The following BCHE variants were observed in gnomAD, a reference collection of about 807,000 sequenced individuals.
BCHE encodes cholinesterase.
Under a neutral mutation model 51.3 loss-of-function variants are expected in BCHE, and 48 were observed. The observed-to-expected ratio is 0.94, with a 90% confidence interval of 0.74 to 1.19. The LOEUF is 1.19. BCHE is among the 50% of genes most tolerant of loss of function. The pLI, the probability that BCHE is intolerant of heterozygous loss-of-function variation, is 0.00. For missense variants in BCHE, 847 were observed against 708.2 expected (o/e 1.20, Z -2.23); for synonymous variants, 251 against 238.0 (o/e 1.05, Z -0.50).
At chr3:165,805,004 A>G (rs1332832407) in intron 2 of BCHE, among the ~76,000 whole-genome samples, 1 of 152,192 alleles carries the variant, frequency 6.6e-6, no homozygotes, top group African/African-American at 2.4e-5. Context: ...TTTTTAGTAG[A>G]TAGAAGGAAA....
At chr3:165,775,183 T>C (rs1320520992) in intron 3 of BCHE, among the ~76,000 whole-genome samples, 1 of 152,064 alleles carries the variant, frequency 6.6e-6, no homozygotes. Flanking sequence ...AATTTTAAGC[T>C]AGTACAAAAA....
chr3:165,829,707 T>G lies in BCHE; in HGVS notation c.1327A>C (p.Asn443His), dbSNP rs144987429. The G allele has an allele frequency of 1.7e-4, 271 of 1,613,786 alleles. 1 individual carries two copies. Among genetic ancestry groups the G allele is most frequent in the Admixed American group, 1.3e-4 (8 of 59,900 alleles). ...FTKKFSEWGNNAFFYYFEHRS... is the reference protein window; with the variant it reads ...FTKKFSEWGNHAFFYYFEHRS... ...TGTTCAAAATAGTAGAAAAAGGCATTATTTCCCCATTCTGAGAACTTCTTG... is the reference window on the plus strand; with the variant it reads ...TGTTCAAAATAGTAGAAAAAGGCATGATTTCCCCATTCTGAGAACTTCTTG... Residue 443 changes from asparagine (N) to histidine (H), a missense_variant, in exon 2 of 4, where the codon AAT (asparagine) becomes CAT (histidine). Transcript: ENST00000264381.
At chr3:165,808,146 G>T (rs755951878) in intron 2 of BCHE, among the ~76,000 whole-genome samples, 1 of 151,942 alleles carries the variant, frequency 6.6e-6, no homozygotes, top group Non-Finnish European at 1.5e-5. Flanking sequence ...ACCACGCCTG[G>T]CTAATTTTTG....
At position 165,830,988 on chromosome 3, in the gene BCHE, A is replaced by G. The variant is rs760484389; in HGVS notation, c.46T>C (p.Phe16Leu). The change falls in exon 2 of 4, where the codon TTT becomes CTT. Residue 16 changes from phenylalanine (F) to leucine (L), a missense_variant. Physicochemically the swap from Phe to Leu is conservative, Grantham distance 22. Transcript: ENST00000264381. ...CCAATAAGCATGCAGAGCAAAAGAA[A>G]CCAAAAGAGAAATCTGATGCATATG... The part of the protein sequence containing the change: ...TIICIRFLFW[F>L]LLLCMLIGKS... 3 of 1,613,714 alleles carry G rather than the reference A, an allele frequency of 1.9e-6. No homozygotes were observed. The South Asian group carries it at 3.3e-5, about 18-fold the overall frequency.
intron 2 of BCHE, among the ~76,000 whole-genome samples, chr3:165,805,956 TGTC>T (rs1713850180): frequency 6.6e-6 from 1 of 152,170 alleles, no homozygotes; most frequent in Non-Finnish European, 1.5e-5. Flanking sequence ...TCCTCTGGCT[TGTC>T]TTTTCATTCC....
intron 2 of BCHE, among the ~76,000 whole-genome samples, chr3:165,805,970 C>T (rs1713850925): frequency 6.6e-6 from 1 of 152,078 alleles, no homozygotes; most frequent in Non-Finnish European, 1.5e-5. Context: ...TTTTCATTCC[C>T]AAAGTTACTC....
chr3:165,788,964 A>G (rs924886925), intron 2 of BCHE, among the ~76,000 whole-genome samples: 2 of 152,156 alleles, frequency 1.3e-5, no homozygotes, highest in Non-Finnish European at 2.9e-5. Context: ...AAGAGAGACA[A>G]TTCTGTCTGT....
chr3:165,777,180 C>G (rs979118878), intron 3 of BCHE, among the ~76,000 whole-genome samples: 2 of 151,690 alleles, frequency 1.3e-5, no homozygotes, highest in Admixed American at 1.3e-4. Flanking sequence ...TATCTTCATT[C>G]TTGTAGAATT....
chr3:165,782,478 T>C (rs1712745086), intron 3 of BCHE, among the ~76,000 whole-genome samples: 1 of 120,546 alleles, frequency 8.3e-6, no homozygotes, highest in African/African-American at 3.0e-5. Context: ...TTGTTTTGCA[T>C]GTATTGTCAC....
At chr3:165,782,286 T>C (rs757306724) in intron 3 of BCHE, among the ~76,000 whole-genome samples, 22 of 152,278 alleles carry the variant, frequency 1.4e-4, no homozygotes, top group Middle Eastern at 6.8e-3. Flanking sequence ...CTTGTTGTGA[T>C]TGTAAAACAG....
chr3:165,821,953 A>G lies in BCHE; in HGVS notation c.1517+7564T>C, dbSNP rs1486772028. ...TATTAATACATTTTTGTTCAAGTTTAATAAATTGCTCATTCTGTGATAAAT... is the reference window on the plus strand; with the variant it reads ...TATTAATACATTTTTGTTCAAGTTTGATAAATTGCTCATTCTGTGATAAAT... On this transcript the variant is annotated intron_variant, in intron 2 of 3. Transcript: ENST00000264381. 4.0e-5 allele frequency among the ~76,000 whole-genome samples: 6 copies of G among 148,372 alleles called. No individual in the cohort carries two copies. The East Asian group carries it at 1.2e-3, about 29-fold the overall frequency.
rs931650494 is a variant in BCHE, at chr3:165,773,207, G to A, written c.*175C>T. Reference sequence around the variant, plus strand: ...TTAATTAAACACGTTCTAGCCATTTGGGTTTTGAAATGCTAGGTAAAATAC... The same window carrying A: ...TTAATTAAACACGTTCTAGCCATTTAGGTTTTGAAATGCTAGGTAAAATAC... On this transcript the variant is annotated 3_prime_UTR_variant, in exon 4 of 4. Transcript: ENST00000264381. 3 of 567,616 alleles carry A rather than the reference G, an allele frequency of 5.3e-6. No homozygotes were observed. The highest frequency in any genetic ancestry group is 6.1e-6 in the Non-Finnish European group (2 of 328,272). The allele number at this position is 567,616 out of a possible 1,614,324, so 35.2% of individuals were successfully genotyped here.
intron 3 of BCHE, among the ~76,000 whole-genome samples, chr3:165,776,835 A>G (rs1445706080): frequency 3.3e-5 from 5 of 151,776 alleles, no homozygotes; most frequent in African/African-American, 1.2e-4. Flanking sequence ...CTTTATTCAT[A>G]CTACAATGAT....
intron 2 of BCHE, among the ~76,000 whole-genome samples, chr3:165,789,010 C>A (rs191373291): frequency 1.7e-3 from 265 of 152,194 alleles, no homozygotes; most frequent in African/African-American, 6.2e-3. Context: ...AACATATTTC[C>A]ACCATGCACA....
At position 165,829,597 on chromosome 3, in the gene BCHE, T is replaced by G. The variant is rs1714866592; in HGVS notation, c.1437A>C (p.Glu479Asp). Residue 479 changes from glutamate to aspartate, a missense_variant, in exon 2 of 4, where the codon GAA (glutamate) becomes GAC (aspartate). Transcript: ENST00000264381. The stretch of plus-strand genomic sequence containing the variant: ...CGGCTTTTGTGTAATTATCTCTTCT[T>G]TCCAGAGGTAAACCAAAGACAAATT... ...EIEFVFGLPL[E>D]RRDNYTKAEE... The G allele has an allele frequency of 6.2e-7, 1 of 1,613,844 alleles. No individual in the cohort carries two copies. Among genetic ancestry groups the G allele is most frequent in the Non-Finnish European group, 8.5e-7 (1 of 1,179,864 alleles).
At chr3:165,818,012 T>C (rs564989640) in intron 2 of BCHE, among the ~76,000 whole-genome samples, 8 of 152,202 alleles carry the variant, frequency 5.3e-5, no homozygotes, top group Admixed American at 3.3e-4. Context: ...TTTAATAACT[T>C]GTGATTTTAA....
intron 2 of BCHE, among the ~76,000 whole-genome samples, chr3:165,819,072 TTC>T (rs928971154): frequency 4.0e-5 from 2 of 49,942 alleles, no homozygotes; most frequent in Admixed American, 6.6e-4. Flanking sequence ...GGTTTTTAAC[TTC>T]TTTTTTTTTT....
At chr3:165,819,483 A>C (rs2108227475) in intron 2 of BCHE, among the ~76,000 whole-genome samples, 1 of 152,298 alleles carries the variant, frequency 6.6e-6, no homozygotes, top group African/African-American at 2.4e-5. Flanking sequence ...TTAAAAAATT[A>C]TCATTCCAAT....
chr3:165,791,216 A>G (rs1216074220), intron 2 of BCHE, among the ~76,000 whole-genome samples: 1 of 148,606 alleles, frequency 6.7e-6, no homozygotes, highest in Non-Finnish European at 1.5e-5. Context: ...AATGGCTTGA[A>G]CCCGGGAGGT....
Sources: allele counts gnomAD v4.1 joint callset (sites outside exome capture counted in the v4.1 genomes callset), GRCh38; gene constraint gnomAD v4.1.1; transcripts MANE v1.5; gene names NCBI Gene and HGNC (gene_info 2026-07-23, HGNC 2026-07-21).